MAST4: variants seen among roughly 807,000 people sequenced by gnomAD.
The protein encoded by MAST4 is microtubule associated serine/threonine kinase family member 4.
Under a neutral mutation model 162.7 loss-of-function variants are expected in MAST4, and 89 were observed. That is an observed-to-expected ratio of 0.55 (90% CI 0.46 to 0.65). The LOEUF (loss-of-function observed/expected upper bound fraction) is 0.65, where lower values mean the gene tolerates loss of function less well. Ranked by LOEUF, MAST4 falls within the 30% of genes least tolerant of loss-of-function variation. MAST4 has a pLI of 0.00. For missense variants in MAST4, 3,153 were observed against 3,374.0 expected (o/e 0.93, Z 1.62); for synonymous variants, 1,479 against 1,361.1 (o/e 1.09, Z -1.91).
intron 1 of MAST4, among the ~76,000 whole-genome samples, chr5:66,728,098 A>G (rs555811373): frequency 6.6e-6 from 1 of 152,332 alleles, no homozygotes; most frequent in Admixed American, 6.5e-5. Context: ...TGCAGAAAGT[A>G]TAGTGTCTGA....
In MAST4 at chr5:67,152,733, C is replaced by A; in HGVS notation, c.3392C>A (p.Ser1131Tyr). The change falls in exon 25 of 29, where the codon TCC (serine) becomes TAC (tyrosine). Residue 1131 changes from serine (S) to tyrosine (Y), a missense_variant. Physicochemically the swap from Ser to Tyr is moderately radical, Grantham distance 144. Transcript: ENST00000403625. ...SSRDSSPSRD[S>Y]SAASASPHQP... is the part of the protein sequence containing the mutation. Reference sequence around the variant, plus strand: ...CGAGATTCCTCTCCCAGCCGAGATTCCTCAGCAGCTTCTGCCAGTCCACAT... The same window carrying A: ...CGAGATTCCTCTCCCAGCCGAGATTACTCAGCAGCTTCTGCCAGTCCACAT... 1 of 1,614,080 alleles carries A rather than the reference C, an allele frequency of 6.2e-7. No homozygotes were observed. The highest frequency in any genetic ancestry group is 8.5e-7 in the Non-Finnish European group (1 of 1,179,896).
At chr5:67,049,553 G>A (rs1757913843) in intron 4 of MAST4, among the ~76,000 whole-genome samples, 1 of 152,124 alleles carries the variant, frequency 6.6e-6, no homozygotes. Context: ...GGACAGTAAA[G>A]CTTTGGTCTA....
intron 11 of MAST4, among the ~76,000 whole-genome samples, chr5:67,112,894 C>G (rs577623842): frequency 3.9e-4 from 60 of 152,150 alleles, no homozygotes; most frequent in Non-Finnish European, 6.3e-4. Flanking sequence ...ATGGTAGGTT[C>G]CCCTGACAAC....
chr5:66,884,061 G>A (rs1181843337), intron 3 of MAST4, among the ~76,000 whole-genome samples: 1 of 152,156 alleles, frequency 6.6e-6, no homozygotes, highest in Admixed American at 6.5e-5. Context: ...CAATAACTTA[G>A]TCTCCATTTT....
intron 1 of MAST4, among the ~76,000 whole-genome samples, chr5:66,723,801 A>C (rs1178089955): frequency 6.6e-6 from 1 of 152,168 alleles, no homozygotes; most frequent in East Asian, 1.9e-4. Flanking sequence ...GGAAAGACCA[A>C]ATTACTTTAA....
At chr5:66,760,897 G>C (rs1042128755) in intron 2 of MAST4, among the ~76,000 whole-genome samples, 3 of 152,092 alleles carry the variant, frequency 2.0e-5, no homozygotes, top group South Asian at 2.1e-4. Flanking sequence ...TGATCTGATC[G>C]CTATACATTA....
At chr5:66,690,358 T>C (rs1748960758) in intron 1 of MAST4, among the ~76,000 whole-genome samples, 1 of 152,206 alleles carries the variant, frequency 6.6e-6, no homozygotes, top group Non-Finnish European at 1.5e-5. Flanking sequence ...TTAATTTATA[T>C]GCTTCTCTTA....
At chr5:66,605,755 A>T (rs777521157) in intron 1 of MAST4, among the ~76,000 whole-genome samples, 1 of 152,142 alleles carries the variant, frequency 6.6e-6, no homozygotes, top group African/African-American at 2.4e-5. Context: ...GCCACGATGC[A>T]TGCAGATTCC....
At chr5:66,866,718 C>G (rs76746364) in intron 3 of MAST4, among the ~76,000 whole-genome samples, 3,041 of 152,196 alleles carry the variant, frequency 0.02, 87 homozygotes, top group African/African-American at 0.068. Context: ...GCATGTGATT[C>G]TTTTCAGAAT....
intron 24 of MAST4, among the ~76,000 whole-genome samples, chr5:67,151,946 A>G (rs1581735343): frequency 6.6e-6 from 1 of 151,470 alleles, no homozygotes; most frequent in East Asian, 1.9e-4. Context: ...TTTTTGTATT[A>G]TTTGTAGAGA....
At chr5:66,664,674 C>T (rs983621518) in intron 1 of MAST4, among the ~76,000 whole-genome samples, 32 of 150,882 alleles carry the variant, frequency 2.1e-4, no homozygotes, top group African/African-American at 6.6e-4. Flanking sequence ...TAGAGAAGAA[C>T]AAGGAGAGGA....
rs1037911533 is a variant in MAST4, at chr5:66,743,099, C to T, written c.364-16610C>T. Reference sequence around the variant, plus strand: ...AGCTTCCTTCCTTTTGGTCTTTGTTCGAATGCCACATCTTCAGAGCAGCCT... The same window carrying T: ...AGCTTCCTTCCTTTTGGTCTTTGTTTGAATGCCACATCTTCAGAGCAGCCT... On this transcript the variant is annotated intron_variant, in intron 1 of 28. Transcript: ENST00000403625. 2.6e-5 allele frequency among the ~76,000 whole-genome samples: 4 copies of T among 152,138 alleles called. No homozygotes were observed. The South Asian group carries it at 6.2e-4, about 24-fold the overall frequency.
intron 3 of MAST4, among the ~76,000 whole-genome samples, chr5:66,821,412 TTG>T (rs1756989435): frequency 1.3e-5 from 2 of 152,222 alleles, no homozygotes; most frequent in African/African-American, 4.8e-5. Flanking sequence ...GTTTTGGTAT[TTG>T]TTCCTGAGTG....
At chr5:66,751,206 C>G (rs1184010221) in intron 1 of MAST4, among the ~76,000 whole-genome samples, 1 of 152,088 alleles carries the variant, frequency 6.6e-6, no homozygotes, top group African/African-American at 2.4e-5. Flanking sequence ...AAAAACAGAA[C>G]AGAAAAACTG....
At chr5:66,909,153 A>C (rs1026418704) in intron 4 of MAST4, among the ~76,000 whole-genome samples, 1 of 152,112 alleles carries the variant, frequency 6.6e-6, no homozygotes, top group Non-Finnish European at 1.5e-5. Context: ...GGGCTGTTCC[A>C]TTTCCATGAA....
intron 1 of MAST4, among the ~76,000 whole-genome samples, chr5:66,666,622 A>G (rs553327908): frequency 2.0e-5 from 3 of 152,358 alleles, no homozygotes; most frequent in Non-Finnish European, 4.4e-5. Context: ...TCTAATAGAA[A>G]TAAGCATGAA....
At chr5:66,835,879 A>G (rs1489395431) in intron 3 of MAST4, among the ~76,000 whole-genome samples, 2 of 152,200 alleles carry the variant, frequency 1.3e-5, no homozygotes, top group African/African-American at 2.4e-5. Context: ...CATTAAAATC[A>G]TGCTTTTGGG....
chr5:66,676,636 A>T (rs1221595489), intron 1 of MAST4, among the ~76,000 whole-genome samples: 3 of 152,226 alleles, frequency 2.0e-5, no homozygotes, highest in Non-Finnish European at 4.4e-5. Context: ...ACCATAAACC[A>T]ATCAGCGGAG....
Position 67,165,463 on chromosome 5 carries a change from C to T in MAST4, c.6284C>T (p.Pro2095Leu), listed in dbSNP as rs1047137301. Residue 2095 changes from proline to leucine, a missense_variant, in exon 29 of 29, where the codon CCT (proline) becomes CTT (leucine). Around this residue, in one of 7 missense-constraint regions of MAST4, gnomAD observed 1,644 missense variants for 1,495.0 expected, o/e 1.10. Transcript: ENST00000403625. Reference sequence around the variant, plus strand: ...CTTGCCAGGCGGTCTCTGCAGCCACCTGGAATTGAGAGTGAGAAGAGTGAA... The same window carrying T: ...CTTGCCAGGCGGTCTCTGCAGCCACTTGGAATTGAGAGTGAGAAGAGTGAA... ...ALLARRSLQP[P>L]GIESEKSEKL... The T allele has an allele frequency of 6.2e-7, 1 of 1,613,928 alleles. No individual in the cohort carries two copies.
Sources: allele counts gnomAD v4.1 joint callset (sites outside exome capture counted in the v4.1 genomes callset), GRCh38; gene constraint gnomAD v4.1.1; regional missense constraint gnomAD v4.1.1; transcripts MANE v1.5; gene names NCBI Gene and HGNC (gene_info 2026-07-23, HGNC 2026-07-21).